The following HDAC4 variants were observed in gnomAD, a reference collection of about 807,000 sequenced individuals.
HDAC4 encodes the protein histone deacetylase 4.
In HDAC4, 16 loss-of-function variants were observed where a neutral mutation model predicts 135.1. That is an observed-to-expected ratio of 0.12 (90% CI 0.08 to 0.18). HDAC4 has a LOEUF of 0.18. HDAC4 is among the 10% of genes least tolerant of loss of function. The pLI, the probability that HDAC4 is intolerant of heterozygous loss-of-function variation, is 1.00. For synonymous variants in HDAC4, 685 were observed against 653.4 expected (o/e 1.05, Z -0.74); for missense variants, 1,143 against 1,511.8 (o/e 0.76, Z 4.05).
At chr2:239,244,426 C>T (rs1339181271) in intron 2 of HDAC4, among the ~76,000 whole-genome samples, 1 of 152,080 alleles carries the variant, frequency 6.6e-6, no homozygotes, top group Non-Finnish European at 1.5e-5. Flanking sequence ...GCGGTGCACA[C>T]TCACATGCAA....
At chr2:239,401,615 C>T, upstream of HDAC4, 1 of 250,300 alleles carries the variant, frequency 4.0e-6, no homozygotes, top group South Asian at 3.7e-5. Context: ...GGGAGCCGGC[C>T]AGGCCTCGCC....
chr2:239,164,914 T>C (rs139787072), intron 5 of HDAC4, among the ~76,000 whole-genome samples: 120 of 152,276 alleles, frequency 7.9e-4, no homozygotes, highest in African/African-American at 1.8e-3. Flanking sequence ...TCTTGGTAAA[T>C]TGCTGTCCAA....
intron 12 of HDAC4, among the ~76,000 whole-genome samples, chr2:239,123,882 G>A (rs564048102): frequency 1.3e-5 from 2 of 152,084 alleles, no homozygotes; most frequent in Non-Finnish European, 2.9e-5. Context: ...CGTGTGCTAG[G>A]AAAGTCTATC....
intron 1 of HDAC4, among the ~76,000 whole-genome samples, chr2:239,360,733 G>T (rs1186344710): frequency 6.6e-6 from 1 of 152,134 alleles, no homozygotes; most frequent in Non-Finnish European, 1.5e-5. Flanking sequence ...TACTAGACAG[G>T]GAGCGGGGAC....
rs1188079180 is a variant in HDAC4 at position 239,048,575 on chromosome 2, A to AGAT, written c.*4519_*4521dup. 6.6e-6 allele frequency: 1 copy of AGAT among 151,938 alleles called. No individual in the cohort carries two copies. Among genetic ancestry groups the AGAT allele is most frequent in the African/African-American group, 2.4e-5 (1 of 41,330 alleles). The allele number at this position is 151,938 out of a possible 1,614,324, so 9.4% of individuals were successfully genotyped here. A position where few individuals can be genotyped will look rare whatever the true frequency, so the allele number is the denominator to read the frequency against. ...AAGCCCCCTGTATAGATAGATAGAT[A>AGAT]GATAGATAGATAGATAGATTATATA... On this transcript the variant is annotated 3_prime_UTR_variant, in exon 27 of 27. Transcript: ENST00000543185.
intron 5 of HDAC4, among the ~76,000 whole-genome samples, chr2:239,173,466 G>T (rs1261161854): frequency 1.3e-5 from 2 of 152,036 alleles, no homozygotes; most frequent in Non-Finnish European, 2.9e-5. Flanking sequence ...CATTCATATT[G>T]AAACCCCGAG....
intron 6 of HDAC4, chr2:239,161,664 C>T: frequency 3.5e-6 from 1 of 284,340 alleles, no homozygotes; most frequent in African/African-American, 2.2e-5. Context: ...CTGAAGGTCC[C>T]CAGAGCCCTC....
intron 11 of HDAC4, 96 bp downstream of exon 11, chr2:239,134,149 C>G: frequency 1.1e-6 from 1 of 935,888 alleles, no homozygotes; most frequent in Non-Finnish European, 1.7e-6. Flanking sequence ...GACAGGCGTG[C>G]ATTCCTGTCT....
At chr2:239,328,188 C>T (rs1284150170) in intron 2 of HDAC4, among the ~76,000 whole-genome samples, 1 of 152,222 alleles carries the variant, frequency 6.6e-6, no homozygotes, top group Non-Finnish European at 1.5e-5. Flanking sequence ...TTCTAGCCAC[C>T]CTGGAGGAGC....
chr2:239,096,663 A>AC lies in HDAC4; in HGVS notation c.2234-1608dup, dbSNP rs1297799962. Among the ~76,000 whole-genome samples the AC allele has an allele frequency of 2.0e-4, 5 of 24,964 alleles. No individual in the cohort carries two copies. The South Asian group carries it at 6.6e-3, about 33-fold the overall frequency. The allele number at this position is 24,964 out of a possible 152,430, so 16.4% of individuals were successfully genotyped here. A position where few individuals can be genotyped will look rare whatever the true frequency, so the allele number is the denominator to read the frequency against. On this transcript the variant is annotated intron_variant, in intron 16 of 26. Transcript: ENST00000543185. ...ATGCCAGCATCCCCCACTGATGCCC[A>AC]CCCCCCCCATGGACGCCAGCACCCC... is the stretch of plus-strand genomic sequence containing the variant.
intron 3 of HDAC4, among the ~76,000 whole-genome samples, chr2:239,205,092 C>A (rs573272883): frequency 6.6e-6 from 1 of 152,214 alleles, no homozygotes; most frequent in South Asian, 2.1e-4. Flanking sequence ...CCCCACCCCA[C>A]GTGGCTGGCA....
At chr2:239,136,112 G>C (rs2040936776) in intron 9 of HDAC4, among the ~76,000 whole-genome samples, 1 of 152,162 alleles carries the variant, frequency 6.6e-6, no homozygotes, top group Non-Finnish European at 1.5e-5. Context: ...TGAATGAATG[G>C]GCAAACAAAG....
chr2:239,370,793 T>C (rs570214284), intron 1 of HDAC4, among the ~76,000 whole-genome samples: 2 of 152,340 alleles, frequency 1.3e-5, no homozygotes, highest in African/African-American at 4.8e-5. Flanking sequence ...TCACAGCTCA[T>C]CCCCGCATCA....
intron 2 of HDAC4, among the ~76,000 whole-genome samples, chr2:239,318,686 G>GAAAAA (rs35112686): frequency 7.0e-6 from 1 of 142,208 alleles, no homozygotes; most frequent in Non-Finnish European, 1.5e-5. Flanking sequence ...AAACGATTCT[G>GAAAAA]AAAAAAAAAA....
At chr2:239,127,951 T>C (rs3791454) in intron 11 of HDAC4, among the ~76,000 whole-genome samples, 102,970 of 152,144 alleles carry the variant, frequency 0.68, 35,636 homozygotes, top group East Asian at 0.79. Flanking sequence ...CAAGTCCCTT[T>C]GCAGGGGCTA....
At chr2:239,177,774 G>A (rs1303065139) in intron 4 of HDAC4, among the ~76,000 whole-genome samples, 1 of 152,216 alleles carries the variant, frequency 6.6e-6, no homozygotes, top group African/African-American at 2.4e-5. Flanking sequence ...CCACTAAAAC[G>A]TTGGGCAGAA....
At position 239,224,977 on chromosome 2, in the gene HDAC4, T is replaced by C. The variant is rs375002630; in HGVS notation, c.94+11616A>G. Among the ~76,000 whole-genome samples the C allele has an allele frequency of 5.4e-4, 82 of 152,318 alleles. 1 individual carries two copies. The East Asian group carries it at 8.3e-3, about 15-fold the overall frequency. ...CACATATATTAAAGATTCATAAAAA[T>C]TGACCACAAAGCAAGTCTCAGTAAA... On this transcript the variant is annotated intron_variant, in intron 3 of 26. Coordinates refer to ENST00000543185, the MANE Select transcript of HDAC4 (RefSeq NM_001378414.1).
intron 16 of HDAC4, among the ~76,000 whole-genome samples, chr2:239,100,451 G>A (rs754043857): frequency 9.2e-5 from 14 of 152,154 alleles, no homozygotes; most frequent in African/African-American, 1.4e-4. Flanking sequence ...ACTTGTCCAC[G>A]TTACGTGGAT....
intron 19 of HDAC4, among the ~76,000 whole-genome samples, chr2:239,086,630 G>C (rs996711420): frequency 9.2e-5 from 14 of 152,240 alleles, no homozygotes; most frequent in African/African-American, 3.4e-4. Context: ...GTGGACGCCT[G>C]ACTTCCCAGG....
Sources: gnomAD v4.1 joint callset for allele counts (sites outside exome capture counted in the v4.1 genomes callset) on GRCh38, gnomAD v4.1.1 for gene constraint, MANE v1.5 for transcripts, NCBI Gene and HGNC (gene_info 2026-07-23, HGNC 2026-07-21) for gene names.